The following PHC2 variants were observed in gnomAD, a reference collection of about 807,000 sequenced individuals.
The protein encoded by PHC2 is polyhomeotic homolog 2, also known as polyhomeotic-like protein 2.
A neutral mutation model predicts 87.4 loss-of-function variants in PHC2; 29 were observed. The ratio of observed to expected loss-of-function variants is 0.33; its 90% CI spans 0.25 to 0.45. The LOEUF (loss-of-function observed/expected upper bound fraction) is 0.45, where lower values mean the gene tolerates loss of function less well. Among genes scored for constraint, PHC2 ranks in the 20% least tolerant of loss-of-function variants. The probability of loss-of-function intolerance (pLI) is 1.00; values close to 1 mark genes in which losing one functional copy is unlikely to be tolerated. For synonymous variants in PHC2, 438 were observed against 461.7 expected (o/e 0.95, Z 0.66); for missense variants, 857 against 1,136.7 (o/e 0.75, Z 3.54).
chr1:33,325,902 G>A (rs1352980112), intron 14 of PHC2: 1 of 456,670 alleles, frequency 2.2e-6, no homozygotes, highest in South Asian at 1.5e-5. Flanking sequence ...GAGTGTCTAA[G>A]GTGCTTTGAG....
At chr1:33,427,353 G>T (rs1464139465) in intron 1 of PHC2, among the ~76,000 whole-genome samples, 1 of 152,144 alleles carries the variant, frequency 6.6e-6, no homozygotes, top group African/African-American at 2.4e-5. Flanking sequence ...TTGCTATTAA[G>T]GATATGAAAT....
In PHC2 at chr1:33,429,876, A is replaced by T. The variant is rs546624828; in HGVS notation, c.-55+1100T>A. Among the ~76,000 whole-genome samples, 298 of 152,374 alleles carry T rather than the reference A, an allele frequency of 2.0e-3. 1 individual carries two copies. Among genetic ancestry groups the T allele is most frequent in the Middle Eastern group, 0.017 (5 of 294 alleles). ...ATTTAGAAGGAACGACTTTAGACTCACAAAAGAAACTCTATTGATATCACG... is the reference window on the plus strand; with the variant it reads ...ATTTAGAAGGAACGACTTTAGACTCTCAAAAGAAACTCTATTGATATCACG... On this transcript the variant is annotated intron_variant, in intron 1 of 14. Transcript: ENST00000683057.
intron 9 of PHC2, chr1:33,345,516 A>C (rs1646829456): frequency 1.0e-6 from 1 of 983,730 alleles, no homozygotes; most frequent in Non-Finnish European, 1.2e-6. Context: ...AAACAAAAAA[A>C]ACCTTGAAGT....
intron 1 of PHC2, among the ~76,000 whole-genome samples, chr1:33,429,197 C>T (rs1279483533): frequency 2.6e-5 from 4 of 152,288 alleles, no homozygotes; most frequent in Middle Eastern, 3.4e-3. Context: ...ACATGATGGA[C>T]CCTTACTTGG....
chr1:33,340,550 C>T (rs930241089), intron 9 of PHC2, among the ~76,000 whole-genome samples: 1 of 152,192 alleles, frequency 6.6e-6, no homozygotes, highest in African/African-American at 2.4e-5. Flanking sequence ...GACAGAGTGC[C>T]CAGTCCTCAT....
chr1:33,426,647 T>C (rs921056373), intron 1 of PHC2, among the ~76,000 whole-genome samples: 9 of 152,168 alleles, frequency 5.9e-5, no homozygotes, highest in African/African-American at 1.9e-4. Flanking sequence ...ATTCTCTTCA[T>C]ATTGACTGGG....
chr1:33,423,775 G>A (rs1318054732), intron 1 of PHC2, among the ~76,000 whole-genome samples: 5 of 152,084 alleles, frequency 3.3e-5, no homozygotes, highest in South Asian at 4.1e-4. Context: ...TTTCCTTCTG[G>A]ACAATGAAAA....
rs147830016 is a variant in PHC2, at chr1:33,324,745, C to T, written c.*120G>A. The T allele has an allele frequency of 4.4e-5, 49 of 1,105,258 alleles. No individual in the cohort carries two copies. The highest frequency in any genetic ancestry group is 6.1e-5 in the Non-Finnish European group (48 of 789,974). 68.5% of individuals were successfully genotyped at this position (1,105,258 alleles called of 1,614,324 possible). The stretch of plus-strand genomic sequence containing the variant: ...TGCCCAGACCTCCTCACCAGCTATG[C>T]CCCTAGGGAGAGCCCCTGCCCTCCA... On this transcript the variant is annotated 3_prime_UTR_variant, in exon 15 of 15. Coordinates refer to ENST00000683057, the MANE Select transcript of PHC2 (RefSeq NM_001385109.1).
At position 33,331,229 on chromosome 1, in the gene PHC2, C is replaced by G; in HGVS notation, c.2006+119G>C. The G allele has an allele frequency of 1.9e-6, 1 of 530,964 alleles. No individual in the cohort carries two copies. Among genetic ancestry groups the G allele is most frequent in the South Asian group, 3.2e-5 (1 of 31,724 alleles). 32.9% of individuals were successfully genotyped at this position (530,964 alleles called of 1,614,324 possible). A position where few individuals can be genotyped will look rare whatever the true frequency, so the allele number is the denominator to read the frequency against. On this transcript the variant is annotated intron_variant, in intron 12 of 14. Coordinates refer to ENST00000683057, the MANE Select transcript of PHC2 (RefSeq NM_001385109.1). The surrounding 1 kb of genome is among the most constrained non-coding windows in gnomAD (Gnocchi z 5.2). ...GATGCCATCCTGCTTCCAGGTGGGT[C>G]GAGGAACTAGGAAACTGGAGAAGCC...
At position 33,355,010 on chromosome 1, in the gene PHC2, A is replaced by C; in HGVS notation, c.1220T>G (p.Leu407Arg). 1 of 1,613,976 alleles carries C rather than the reference A, an allele frequency of 6.2e-7. No individual in the cohort carries two copies. The highest frequency in any genetic ancestry group is 8.5e-7 in the Non-Finnish European group (1 of 1,180,024). The change falls in exon 8 of 15, where the codon CTC becomes CGC. Residue 407 changes from leucine (L) to arginine (R), a missense_variant. Coordinates refer to ENST00000683057, the MANE Select transcript of PHC2 (RefSeq NM_001385109.1). ...GTGCAGGTTGGCAGTGGGACACTGG[A>C]GTGGCAGGGCGGGTGTAACCGGGCC... Reference protein sequence around the residue: ...PLGPVTPALPLQCPTANLHKP... With the variant: ...PLGPVTPALPRQCPTANLHKP...
chr1:33,385,355 A>C (rs1197835250), intron 1 of PHC2, among the ~76,000 whole-genome samples: 2 of 152,236 alleles, frequency 1.3e-5, no homozygotes, highest in African/African-American at 4.8e-5. Flanking sequence ...GTATCATGAG[A>C]GAGAGTTTAG....
At chr1:33,329,245 A>G in intron 13 of PHC2, 99 bp from the exon 14 acceptor site, 2 of 1,290,272 alleles carry the variant, frequency 1.6e-6, no homozygotes, top group South Asian at 2.8e-5. Context: ...TTGGCCTACT[A>G]CTACACATCT....
At chr1:33,430,216 G>C (rs746736974) in intron 1 of PHC2, among the ~76,000 whole-genome samples, 1 of 152,168 alleles carries the variant, frequency 6.6e-6, no homozygotes, top group Admixed American at 6.5e-5. Flanking sequence ...TGACAGACCC[G>C]ATCCAGGTGT....
At chr1:33,336,666 G>C (rs991076648) in intron 9 of PHC2, 1 of 152,292 alleles carries the variant, frequency 6.6e-6, no homozygotes, top group Non-Finnish European at 1.5e-5. Context: ...GGGGAGGGCA[G>C]CTACTCGTAT....
chr1:33,421,097 T>A (rs1413675145), intron 1 of PHC2, among the ~76,000 whole-genome samples: 1 of 151,290 alleles, frequency 6.6e-6, no homozygotes, highest in Non-Finnish European at 1.5e-5. Flanking sequence ...CCGTTTCTAA[T>A]ACAACTCCAT....
chr1:33,342,928 T>C (rs1182025584), intron 9 of PHC2, among the ~76,000 whole-genome samples: 1 of 152,106 alleles, frequency 6.6e-6, no homozygotes, highest in African/African-American at 2.4e-5. Flanking sequence ...AATGGCAGAG[T>C]AGAAAGAGCA....
chr1:33,346,775 C>A, intron 9 of PHC2: 1 of 985,378 alleles, frequency 1.0e-6, no homozygotes. Context: ...TAAAGGAGGA[C>A]AGAGACTTAA....
intron 1 of PHC2, among the ~76,000 whole-genome samples, chr1:33,394,100 G>A (rs1649197858): frequency 6.6e-6 from 1 of 152,164 alleles, no homozygotes; most frequent in Non-Finnish European, 1.5e-5. Flanking sequence ...AAATTTTTGA[G>A]TCAGGCACTT....
At chr1:33,346,244 G>GTGGGCAGGC in intron 9 of PHC2, 1 of 982,184 alleles carries the variant, frequency 1.0e-6, no homozygotes, top group Middle Eastern at 5.2e-4. Context: ...GGTGGGGAGG[G>GTGGGCAGGC]TGGGCAGGCT....
Sources: allele counts gnomAD v4.1 joint callset (sites outside exome capture counted in the v4.1 genomes callset), GRCh38; gene constraint gnomAD v4.1.1; non-coding constraint Gnocchi (gnomAD v3.1); transcripts MANE v1.5; gene names NCBI Gene and HGNC (gene_info 2026-07-23, HGNC 2026-07-21).